ZNF280A: variants seen among roughly 807,000 people sequenced by gnomAD.
ZNF280A encodes the protein zinc finger protein 280A.
Under a neutral mutation model 35.9 loss-of-function variants are expected in ZNF280A, and 26 were observed. The ratio of observed to expected loss-of-function variants is 0.72; its 90% CI spans 0.53 to 1.01. ZNF280A has a LOEUF of 1.01. Ranked by LOEUF, ZNF280A falls within the 50% of genes least tolerant of loss-of-function variation. The pLI, the probability that ZNF280A is intolerant of heterozygous loss-of-function variation, is 0.00. For synonymous variants in ZNF280A, 231 were observed against 232.9 expected, an observed-to-expected ratio of 0.99 and a Z score of 0.07; for missense variants, 654 against 652.0, an observed-to-expected ratio of 1.00 and a Z score of -0.03.
At chr22:22,518,799 AG>A (rs1270897711) in intron 1 of ZNF280A, among the ~76,000 whole-genome samples, 28 of 151,150 alleles carry the variant, frequency 1.9e-4, no homozygotes, top group Non-Finnish European at 4.1e-4. Context: ...AAAAAAAAAA[AG>A]AAAAAAGGAA....
chr22:22,518,016 G>A (rs566439159), intron 1 of ZNF280A, among the ~76,000 whole-genome samples: 219 of 148,240 alleles, frequency 1.5e-3, no homozygotes, highest in Non-Finnish European at 2.5e-3. Flanking sequence ...GCTCCGCCCC[G>A]CGGGGTTCAC....
At chr22:22,516,316 C>CACACA (rs57127688) in intron 1 of ZNF280A, among the ~76,000 whole-genome samples, 1 of 151,068 alleles carries the variant, frequency 6.6e-6, no homozygotes, top group Non-Finnish European at 1.5e-5. Flanking sequence ...CACACACACA[C>CACACA]CCTTTGCTGT....
At position 22,514,379 on chromosome 22, in the gene ZNF280A, C is replaced by T. The variant is rs2062043819; in HGVS notation, c.1252G>A (p.Glu418Lys). ...DVETHFRTCH[E>K]NTKNLLCLFC... ...AGACAAAGCAAATTCTTTGTGTTTTCATGGCACGTTCTAAAATGTGTTTCC... is the reference window on the plus strand; with the variant it reads ...AGACAAAGCAAATTCTTTGTGTTTTTATGGCACGTTCTAAAATGTGTTTCC... Residue 418 changes from glutamate to lysine, a missense_variant, in exon 2 of 2, where the codon GAA (glutamate) becomes AAA (lysine). Coordinates refer to ENST00000302097, the MANE Select transcript of ZNF280A (RefSeq NM_080740.5). 6.2e-7 allele frequency: 1 copy of T among 1,613,912 alleles called. No homozygotes were observed. The highest frequency in any genetic ancestry group is 1.3e-5 in the African/African-American group (1 of 74,988).
rs753172194 is a variant in ZNF280A at position 22,515,401 on chromosome 22, CCTTT to C, written c.226_229del (p.Lys76AlafsTer17). On this transcript the variant is annotated frameshift_variant, in exon 2 of 2. Transcript: ENST00000302097. LOFTEE classifies it high-confidence loss of function. ...GTGAGCAGGATATTGACGGAAGTGG[CCTTT>C]CTTTCTTCTTGAATTTGAGCCTGGG... 5.6e-6 allele frequency: 9 copies of C among 1,613,692 alleles called. No individual in the cohort carries two copies. The highest frequency in any genetic ancestry group is 2.7e-5 in the African/African-American group (2 of 74,858).
intron 1 of ZNF280A, among the ~76,000 whole-genome samples, chr22:22,517,636 G>T (rs910915808): frequency 6.6e-6 from 1 of 151,830 alleles, no homozygotes; most frequent in Admixed American, 6.6e-5. Context: ...TGATTCTAAG[G>T]TATAGGCTTA....
In ZNF280A at chr22:22,514,611, G is replaced by C. The variant is rs770558316; in HGVS notation, c.1020C>G (p.His340Gln). Residue 340 changes from histidine (H) to glutamine (Q), a missense_variant, in exon 2 of 2, where the codon CAC becomes CAG. Transcript: ENST00000302097. The part of the protein sequence containing the change: ...WEDHTTCQHC[H>Q]RQFPTPFQLQ... ...GCTGGAAGGGAGTGGGAAACTGCCGGTGGCAGTGCTGGCAGGTGGTGTGGT... is the reference window on the plus strand; with the variant it reads ...GCTGGAAGGGAGTGGGAAACTGCCGCTGGCAGTGCTGGCAGGTGGTGTGGT... The C allele has an allele frequency of 6.2e-7, 1 of 1,613,952 alleles. No individual in the cohort carries two copies. The highest frequency in any genetic ancestry group is 1.3e-5 in the African/African-American group (1 of 74,988).
At position 22,514,308 on chromosome 22, in the gene ZNF280A, A is replaced by G. The variant is rs751876177; in HGVS notation, c.1323T>C (p.His441=). The G allele has an allele frequency of 6.2e-7, 1 of 1,613,934 alleles. No individual in the cohort carries two copies. Among genetic ancestry groups the G allele is most frequent in the Non-Finnish European group, 8.5e-7 (1 of 1,179,990 alleles). The part of the protein sequence containing the change: ...LFKTAIPYMN[H]CWRHSRRRVL... ...CCCTCCTTCTGCTGTGCCTCCAACA[A>G]TGATTCATGTATGGTATTGCAGTTT... Residue 441 remains histidine, a synonymous_variant, in exon 2 of 2, where the codon CAT becomes CAC. Coordinates refer to ENST00000302097, the MANE Select transcript of ZNF280A (RefSeq NM_080740.5).
In ZNF280A at chr22:22,514,615, C is replaced by T. The variant is rs142396260; in HGVS notation, c.1016G>A (p.Cys339Tyr). The change falls in exon 2 of 2, where the codon TGC (cysteine) becomes TAC (tyrosine). Residue 339 changes from cysteine to tyrosine, a missense_variant. Coordinates refer to ENST00000302097, the MANE Select transcript of ZNF280A (RefSeq NM_080740.5). ...GAAGGGAGTGGGAAACTGCCGGTGG[C>T]AGTGCTGGCAGGTGGTGTGGTCTTC... ...SWEDHTTCQH[C>Y]HRQFPTPFQL... 1.2e-4 allele frequency: 191 copies of T among 1,613,798 alleles called. No homozygotes were observed. Among genetic ancestry groups the T allele is most frequent in the Middle Eastern group, 1.6e-4 (1 of 6,074 alleles).
In ZNF280A at chr22:22,514,705, T is replaced by C; in HGVS notation, c.926A>G (p.Asn309Ser). ...KCLSCVKVLK[N>S]IKFMNHMKHH... ...CTTCATGTGATTCATAAACTTAATA[T>C]TTTTTAGAACTTTCACGCAGCTGAG... Residue 309 changes from asparagine (N) to serine (S), a missense_variant, in exon 2 of 2, where the codon AAT (asparagine) becomes AGT (serine). By Grantham distance (46) the Asn-to-Ser change is conservative (BLOSUM62 1). Coordinates refer to ENST00000302097, the MANE Select transcript of ZNF280A (RefSeq NM_080740.5). 6.2e-7 allele frequency: 1 copy of C among 1,613,926 alleles called. No individual in the cohort carries two copies. Among genetic ancestry groups the C allele is most frequent in the South Asian group, 1.1e-5 (1 of 91,076 alleles).
Position 22,515,601 on chromosome 22 carries a change from C to T in ZNF280A, c.30G>A (p.Val10=), listed in dbSNP as rs1462714086. Residue 10 remains valine, a synonymous_variant, in exon 2 of 2, where the codon GTG becomes GTA. Transcript: ENST00000302097. MGDIFLCKK[V]ESPKKNLRES... is the part of the protein sequence containing the mutation. The stretch of plus-strand genomic sequence containing the variant: ...CTCTCAAATTCTTCTTTGGTGATTC[C>T]ACTTTCTTACACAAAAAGATATCTC... The T allele has an allele frequency of 1.3e-6, 2 of 1,594,472 alleles. No individual in the cohort carries two copies. The highest frequency in any genetic ancestry group is 1.7e-6 in the Non-Finnish European group (2 of 1,172,830).
chr22:22,519,650 T>C (rs1350147501), intron 1 of ZNF280A, among the ~76,000 whole-genome samples: 2 of 151,904 alleles, frequency 1.3e-5, no homozygotes, highest in Non-Finnish European at 2.9e-5. Flanking sequence ...CCCTTGTACT[T>C]TGGGGCCATT....
At chr22:22,519,777 G>T (rs757255305) in intron 1 of ZNF280A, among the ~76,000 whole-genome samples, 3 of 151,924 alleles carry the variant, frequency 2.0e-5, no homozygotes, top group Non-Finnish European at 4.4e-5. Flanking sequence ...CCAGCCAACA[G>T]CATGGGGACT....
At position 22,515,471 on chromosome 22, in the gene ZNF280A, T is replaced by A; in HGVS notation, c.160A>T (p.Asn54Tyr). ...ATGTTTGAAACGACTGGTTTTGAAT[T>A]TGAAATCATCCCGACAAAGAGAACT... ...AEVLFVGMIS[N>Y]SKPVVSNILN... Residue 54 changes from asparagine to tyrosine, a missense_variant, in exon 2 of 2, where the codon AAT (asparagine) becomes TAT (tyrosine). Physicochemically the swap from Asn to Tyr is moderately radical, Grantham distance 143. Transcript: ENST00000302097. The A allele has an allele frequency of 1.2e-6, 2 of 1,613,844 alleles. No individual in the cohort carries two copies. Among genetic ancestry groups the A allele is most frequent in the East Asian group, 4.5e-5 (2 of 44,790 alleles).
Position 22,514,067 on chromosome 22 carries a change from T to A in ZNF280A, c.1564A>T (p.Thr522Ser), listed in dbSNP as rs770405240. ...NTDPQSSPVK[T>S]KKKTAMNTRD... ...GTGTTCATAGCCGTCTTCTTTTTAGTTTTTACAGGAGAAGACTGAGGGTCA... is the reference window on the plus strand; with the variant it reads ...GTGTTCATAGCCGTCTTCTTTTTAGATTTTACAGGAGAAGACTGAGGGTCA... The change falls in exon 2 of 2, where the codon ACT becomes TCT. Residue 522 changes from threonine to serine, a missense_variant. By Grantham distance (58) the Thr-to-Ser change is moderately conservative. Coordinates refer to ENST00000302097, the MANE Select transcript of ZNF280A (RefSeq NM_080740.5). The A allele has an allele frequency of 1.2e-6, 2 of 1,612,286 alleles. No homozygotes were observed. Among genetic ancestry groups the A allele is most frequent in the Admixed American group, 1.7e-5 (1 of 59,666 alleles).
chr22:22,518,044 G>A (rs1451234647), intron 1 of ZNF280A, among the ~76,000 whole-genome samples: 1 of 151,368 alleles, frequency 6.6e-6, no homozygotes, highest in Non-Finnish European at 1.5e-5. Flanking sequence ...TCCTGCCTCA[G>A]TCTCCCGCGT....
At chr22:22,517,188 C>T (rs1277302813) in intron 1 of ZNF280A, among the ~76,000 whole-genome samples, 2 of 151,820 alleles carry the variant, frequency 1.3e-5, no homozygotes, top group Non-Finnish European at 2.9e-5. Context: ...GGAAGGATTG[C>T]TTGAGGTCAG....
chr22:22,518,017 C>T (rs538200059), intron 1 of ZNF280A, among the ~76,000 whole-genome samples: 15 of 151,248 alleles, frequency 9.9e-5, no homozygotes, highest in Non-Finnish European at 1.6e-4. Flanking sequence ...CTCCGCCCCG[C>T]GGGGTTCACG....
intron 1 of ZNF280A, among the ~76,000 whole-genome samples, chr22:22,518,860 A>G (rs1207488961): frequency 2.6e-5 from 4 of 151,656 alleles, no homozygotes; most frequent in Non-Finnish European, 5.9e-5. Context: ...AGTGTTCACC[A>G]TAAAGTGTTG....
chr22:22,520,212 A>C lies in ZNF280A; in HGVS notation c.-195T>G, dbSNP rs1462918421. The C allele has an allele frequency of 2.6e-5, 4 of 152,030 alleles. No homozygotes were observed. The highest frequency in any genetic ancestry group is 4.8e-5 in the African/African-American group (2 of 41,396). 9.4% of individuals were successfully genotyped at this position (152,030 alleles called of 1,614,324 possible). A position where few individuals can be genotyped will look rare whatever the true frequency, so the allele number is the denominator to read the frequency against. On this transcript the variant is annotated 5_prime_UTR_variant, in exon 1 of 2. Transcript: ENST00000302097. The stretch of plus-strand genomic sequence containing the variant: ...CCACCTCCCGGAGAAATTTGTCCAG[A>C]GACCGGCAGCACTGCTTCCGCAGGC...
Sources: allele counts gnomAD v4.1 joint callset (sites outside exome capture counted in the v4.1 genomes callset), GRCh38; gene constraint gnomAD v4.1.1; transcripts MANE v1.5; gene names NCBI Gene and HGNC (gene_info 2026-07-23, HGNC 2026-07-21).